IGSF21: variants seen among roughly 807,000 people sequenced by gnomAD.
IGSF21 encodes immunoglobulin superfamily member 21.
In IGSF21, 28 loss-of-function variants were observed where a neutral mutation model predicts 46.8. The observed-to-expected ratio is 0.60, with a 90% CI of 0.44 to 0.82. The LOEUF is 0.82. IGSF21 is among the 40% of genes least tolerant of loss of function. IGSF21 has a pLI of 0.00. For synonymous variants in IGSF21, 284 were observed against 273.6 expected (o/e 1.04, Z -0.38); for missense variants, 624 against 665.5 (o/e 0.94, Z 0.69).
chr1:18,122,502 A>G (rs1570244232), intron 1 of IGSF21, among the ~76,000 whole-genome samples: 2 of 151,568 alleles, frequency 1.3e-5, no homozygotes, highest in South Asian at 4.2e-4. Context: ...CCCCAACTGT[A>G]CTATTTTTTA....
intron 2 of IGSF21, among the ~76,000 whole-genome samples, chr1:18,283,629 C>G (rs2085184280): frequency 6.6e-6 from 1 of 152,224 alleles, no homozygotes; most frequent in Non-Finnish European, 1.5e-5. Context: ...ATCATTCTCC[C>G]AGGCTTCCTC....
At chr1:18,174,249 G>A (rs2086772509) in intron 1 of IGSF21, among the ~76,000 whole-genome samples, 1 of 152,112 alleles carries the variant, frequency 6.6e-6, no homozygotes, top group East Asian at 1.9e-4. Flanking sequence ...CATATCTCCA[G>A]AGAGCTTGCA....
rs148560600 is a variant in IGSF21, at chr1:18,327,175, C to T, written c.306-7717C>T. Reference sequence around the variant, plus strand: ...CCAACAGGACTTGTTATTTGAAGCTCACTGCAAATTGACAGCAACACTTAG... The same window carrying T: ...CCAACAGGACTTGTTATTTGAAGCTTACTGCAAATTGACAGCAACACTTAG... On this transcript the variant is annotated intron_variant, in intron 3 of 9. Transcript: ENST00000251296. Among the ~76,000 whole-genome samples, 640 of 152,214 alleles carry T rather than the reference C, an allele frequency of 4.2e-3. 6 individuals are homozygous for T. The highest frequency in any genetic ancestry group is 5.2e-3 in the African/African-American group (215 of 41,542).
intron 1 of IGSF21, among the ~76,000 whole-genome samples, chr1:18,205,970 T>A (rs959862684): frequency 1.3e-5 from 2 of 152,244 alleles, no homozygotes; most frequent in Admixed American, 1.3e-4. Flanking sequence ...ATGTCAACAA[T>A]TCCTGGATAC....
Position 18,156,476 on chromosome 1 carries a change from C to T in IGSF21, c.70+48278C>T, listed in dbSNP as rs561761582. Among the ~76,000 whole-genome samples, 440 of 152,352 alleles carry T rather than the reference C, an allele frequency of 2.9e-3. 2 individuals are homozygous for T. Among genetic ancestry groups the T allele is most frequent in the South Asian group, 3.9e-3 (19 of 4,830 alleles). ...GGGATTCAAATGCAGTCCCCTGGCTCTAAGCCCGAGTGCTGTTTCTTCCAG... is the reference window on the plus strand; with the variant it reads ...GGGATTCAAATGCAGTCCCCTGGCTTTAAGCCCGAGTGCTGTTTCTTCCAG... On this transcript the variant is annotated intron_variant, in intron 1 of 9. Coordinates refer to ENST00000251296, the MANE Select transcript of IGSF21 (RefSeq NM_032880.5).
At position 18,316,943 on chromosome 1, in the gene IGSF21, A is replaced by G. The variant is rs187988276; in HGVS notation, c.306-17949A>G. 2.4e-3 allele frequency among the ~76,000 whole-genome samples: 360 copies of G among 152,354 alleles called. 2 individuals carry two copies. Among genetic ancestry groups the G allele is most frequent in the Non-Finnish European group, 3.5e-3 (237 of 68,034 alleles). On this transcript the variant is annotated intron_variant, in intron 3 of 9. Coordinates refer to ENST00000251296, the MANE Select transcript of IGSF21 (RefSeq NM_032880.5). ...CAATGTTCTCAATGCTGGGGCTGCA[A>G]GTAGACAGAGTGGCTCATGGAGGTA...
At chr1:18,250,825 A>G (rs560119295) in intron 2 of IGSF21, among the ~76,000 whole-genome samples, 1 of 152,312 alleles carries the variant, frequency 6.6e-6, no homozygotes, top group Non-Finnish European at 1.5e-5. Context: ...TAAGACAAAC[A>G]AGATCTCTGC....
At chr1:18,305,596 T>TG (rs2085417825) in intron 3 of IGSF21, among the ~76,000 whole-genome samples, 1 of 145,828 alleles carries the variant, frequency 6.9e-6, no homozygotes. Context: ...GATGGATGGA[T>TG]GATGGATAGA....
chr1:18,233,055 A>G (rs2084642773), intron 2 of IGSF21, among the ~76,000 whole-genome samples: 1 of 152,250 alleles, frequency 6.6e-6, no homozygotes, highest in Non-Finnish European at 1.5e-5. Context: ...TTAAACAGCC[A>G]CAGAGAATCA....
intron 2 of IGSF21, among the ~76,000 whole-genome samples, chr1:18,253,276 A>G (rs1409118805): frequency 6.6e-6 from 1 of 152,172 alleles, no homozygotes; most frequent in Non-Finnish European, 1.5e-5. Context: ...AGCAAACCCA[A>G]ACTTTCCTGA....
chr1:18,171,105 G>C (rs2124458582), intron 1 of IGSF21, among the ~76,000 whole-genome samples: 1 of 152,296 alleles, frequency 6.6e-6, no homozygotes, highest in East Asian at 1.9e-4. Flanking sequence ...TCTGGAGCAA[G>C]TGTCTCGGTG....
intron 1 of IGSF21, among the ~76,000 whole-genome samples, chr1:18,200,593 A>G (rs2087062548): frequency 6.6e-6 from 1 of 152,140 alleles, no homozygotes; most frequent in Non-Finnish European, 1.5e-5. Flanking sequence ...TTCTGTGTCC[A>G]AATTCCGCTC....
intron 2 of IGSF21, among the ~76,000 whole-genome samples, chr1:18,251,333 G>A (rs181138902): frequency 1.2e-4 from 19 of 152,268 alleles, no homozygotes; most frequent in Admixed American, 3.9e-4. Flanking sequence ...GAGAGCCTGC[G>A]TTGTGCCCCA....
At chr1:18,330,679 G>A (rs1163970582) in intron 3 of IGSF21, among the ~76,000 whole-genome samples, 2 of 78,746 alleles carry the variant, frequency 2.5e-5, no homozygotes, top group Non-Finnish European at 7.1e-5. Flanking sequence ...AGGGAAGGTG[G>A]AAGACATAGC....
chr1:18,133,303 C>G (rs1306268797), intron 1 of IGSF21, among the ~76,000 whole-genome samples: 1 of 152,168 alleles, frequency 6.6e-6, no homozygotes, highest in African/African-American at 2.4e-5. Context: ...AGCAGCGGAG[C>G]CTTTCTGGTC....
intron 1 of IGSF21, among the ~76,000 whole-genome samples, chr1:18,138,414 C>T (rs979194116): frequency 2.0e-5 from 3 of 152,284 alleles, no homozygotes; most frequent in Non-Finnish European, 2.9e-5. Context: ...CGTATTCCTA[C>T]TACTGCTACT....
At chr1:18,170,513 T>C (rs1470934599) in intron 1 of IGSF21, among the ~76,000 whole-genome samples, 1 of 151,554 alleles carries the variant, frequency 6.6e-6, no homozygotes, top group Non-Finnish European at 1.5e-5. Context: ...TGTCTTCTGC[T>C]TGCTGATTTT....
At chr1:18,339,347 G>A (rs1401792914) in intron 4 of IGSF21, among the ~76,000 whole-genome samples, 1 of 152,212 alleles carries the variant, frequency 6.6e-6, no homozygotes, top group Non-Finnish European at 1.5e-5. Flanking sequence ...CAAAGGCCAT[G>A]AGTCACACAA....
intron 1 of IGSF21, among the ~76,000 whole-genome samples, chr1:18,118,238 G>A (rs2086205088): frequency 6.6e-6 from 1 of 152,178 alleles, no homozygotes; most frequent in African/African-American, 2.4e-5. Flanking sequence ...ACCAGTCGTT[G>A]GTGCTTCCTT....
Sources: allele counts gnomAD v4.1 joint callset (sites outside exome capture counted in the v4.1 genomes callset), GRCh38; gene constraint gnomAD v4.1.1; transcripts MANE v1.5; gene names NCBI Gene and HGNC (gene_info 2026-07-23, HGNC 2026-07-21).